ABCC8: variants seen among roughly 807,000 people sequenced by gnomAD.
ABCC8 encodes the protein ATP-binding cassette sub-family C member 8.
ABCC8 carries 137 observed loss-of-function variants against 188.0 expected under a neutral mutation model. That is an observed-to-expected ratio of 0.73 (90% confidence interval 0.63 to 0.84). ABCC8 has a LOEUF of 0.84. Ranked by LOEUF, ABCC8 falls within the 40% of genes least tolerant of loss-of-function variation. ABCC8 has a pLI of 0.00. For missense variants in ABCC8, 1,750 were observed against 2,072.7 expected (o/e 0.84, Z 3.02); for synonymous variants, 797 against 846.5 (o/e 0.94, Z 1.01).
intron 8 of ABCC8, among the ~76,000 whole-genome samples, chr11:17,444,112 A>G (rs2133600638): frequency 6.6e-6 from 1 of 152,282 alleles, no homozygotes; most frequent in Non-Finnish European, 1.5e-5. Flanking sequence ...GCACCGCCTC[A>G]AGGATAAAGG....
At position 17,454,603 on chromosome 11, in the gene ABCC8, A is replaced by ACTCT. The variant is rs1956926323; in HGVS notation, c.1012-1321_1012-1320insAGAG. The stretch of plus-strand genomic sequence containing the variant: ...CCTTAAAATTAGGCTGCAGGGAGAG[A>ACTCT]CCTGAATTTCCAGGGGAGGAAGGGG... On this transcript the variant is annotated intron_variant, in intron 6 of 38. Transcript: ENST00000389817. Among the ~76,000 whole-genome samples the ACTCT allele has an allele frequency of 2.0e-5, 3 of 152,200 alleles. No individual in the cohort carries two copies. The South Asian group carries it at 6.2e-4, about 32-fold the overall frequency.
chr11:17,475,443 C>T (rs1197984770), intron 1 of ABCC8, among the ~76,000 whole-genome samples: 1 of 151,994 alleles, frequency 6.6e-6, no homozygotes, highest in African/African-American at 2.4e-5. Context: ...AGGCTGGTCT[C>T]GAACTCCTGG....
chr11:17,443,451 G>T, intron 8 of ABCC8, 139 bp from the exon 9 acceptor site: 1 of 1,418,006 alleles, frequency 7.1e-7, no homozygotes, highest in Non-Finnish European at 9.7e-7. Context: ...CTTGGGGAGT[G>T]GAGTGCAGGG....
In ABCC8 at chr11:17,398,442, C is replaced by A; in HGVS notation, c.3651-1G>T. On this transcript the variant is annotated splice_acceptor_variant, in intron 29 of 38. Transcript: ENST00000389817. LOFTEE classifies it high-confidence loss of function. ...CTTCTGCTGGAACCGGGCCTCATAC[C>A]TGGAGGGAGGATGAGAAGCTCCTAA... is the stretch of plus-strand genomic sequence containing the variant. The A allele has an allele frequency of 5.0e-6, 8 of 1,614,044 alleles. No individual in the cohort carries two copies. The South Asian group carries it at 8.8e-5, about 18-fold the overall frequency.
At chr11:17,403,734 C>T (rs1454596215) in intron 28 of ABCC8, among the ~76,000 whole-genome samples, 5 of 152,110 alleles carry the variant, frequency 3.3e-5, no homozygotes, top group Admixed American at 6.5e-5. Flanking sequence ...ATGACCAACA[C>T]AAAGGTTTCA....
chr11:17,441,585 G>A (rs376851651), intron 10 of ABCC8, among the ~76,000 whole-genome samples: 1 of 152,078 alleles, frequency 6.6e-6, no homozygotes, highest in African/African-American at 2.4e-5. Context: ...CTAGTGTGAA[G>A]TCAGCTGGTT....
chr11:17,440,625 G>GA (rs532614710), intron 10 of ABCC8, among the ~76,000 whole-genome samples: 7 of 152,242 alleles, frequency 4.6e-5, no homozygotes, highest in Non-Finnish European at 1.0e-4. Flanking sequence ...TCCATTCTGA[G>GA]AAAATCAAAT....
chr11:17,457,802 G>T (rs1026583139), intron 6 of ABCC8, among the ~76,000 whole-genome samples: 1 of 152,200 alleles, frequency 6.6e-6, no homozygotes, highest in Non-Finnish European at 1.5e-5. Context: ...CCAACTCTGA[G>T]TATCTTAGGA....
intron 16 of ABCC8, among the ~76,000 whole-genome samples, chr11:17,419,524 A>C (rs183412709): frequency 1.3e-5 from 2 of 152,350 alleles, no homozygotes; most frequent in Admixed American, 1.3e-4. Flanking sequence ...GCATAAAGAA[A>C]AACTGGAAGC....
intron 36 of ABCC8, 56 bp from the exon 37 acceptor site, chr11:17,394,455 G>C (rs1479321461): frequency 3.7e-6 from 6 of 1,612,986 alleles, no homozygotes; most frequent in Non-Finnish European, 5.1e-6. Context: ...GCTGTGAGTG[G>C]AGCAGATGGG....
At chr11:17,466,839 T>C (rs983885896) in intron 3 of ABCC8, among the ~76,000 whole-genome samples, 1 of 152,094 alleles carries the variant, frequency 6.6e-6, no homozygotes, top group Non-Finnish European at 1.5e-5. Context: ...CTAATTTTTA[T>C]GTTTTTTGTA....
intron 10 of ABCC8, among the ~76,000 whole-genome samples, chr11:17,433,453 G>T (rs1352064231): frequency 1.3e-5 from 2 of 152,222 alleles, no homozygotes; most frequent in African/African-American, 4.8e-5. Context: ...GAAGTTGACT[G>T]CCCATTTACT....
Position 17,398,211 on chromosome 11 carries a change from G to A in ABCC8, c.3753+128C>T, listed in dbSNP as rs866014386. On this transcript the variant is annotated intron_variant, in intron 30 of 38. Transcript: ENST00000389817. ...ACTAGGAGGACCACCAGGGCTGGGG[G>A]AAGCAGGAAGGCTTGGTGTCCACAC... 24 of 1,255,862 alleles carry A rather than the reference G, an allele frequency of 1.9e-5. No homozygotes were observed. In the African/African-American group the frequency reaches 3.0e-4, roughly 16 times the overall value. The allele number at this position is 1,255,862 out of a possible 1,614,324, so 77.8% of individuals were successfully genotyped here.
At chr11:17,454,839 G>A (rs1197514434) in intron 6 of ABCC8, among the ~76,000 whole-genome samples, 1 of 152,142 alleles carries the variant, frequency 6.6e-6, no homozygotes, top group Non-Finnish European at 1.5e-5. Context: ...TCTAGGCCTC[G>A]TCCAGGCCTT....
intron 10 of ABCC8, among the ~76,000 whole-genome samples, chr11:17,439,343 G>A (rs1053135956): frequency 2.6e-5 from 4 of 152,220 alleles, no homozygotes; most frequent in Admixed American, 6.5e-5. Flanking sequence ...TGCCTGCCCA[G>A]AAGTCTGATG....
chr11:17,447,656 G>A (rs1956589624), intron 8 of ABCC8, among the ~76,000 whole-genome samples: 2 of 152,134 alleles, frequency 1.3e-5, no homozygotes, highest in Admixed American at 1.3e-4. Context: ...CTGGAGTGCA[G>A]TGGTGTGATT....
Position 17,432,240 on chromosome 11 carries a change from GA to G in ABCC8, c.1634del (p.Phe545SerfsTer2), listed in dbSNP as rs1260178539. ...AFAIYTSISI[F>X]MNTAIPIAAV... ...CTGCAATGGGGATGGCCGTGTTCAT[GA>G]AAACTGCAGAGGAAGCACAGGGAGG... On this transcript the variant is annotated frameshift_variant, in exon 11 of 39. Transcript: ENST00000389817. LOFTEE classifies it high-confidence loss of function. 6.4e-7 allele frequency: 1 copy of G among 1,552,322 alleles called. No individual in the cohort carries two copies. Among genetic ancestry groups the G allele is most frequent in the Admixed American group, 2.0e-5 (1 of 51,052 alleles).
intron 3 of ABCC8, among the ~76,000 whole-genome samples, chr11:17,465,846 C>T (rs998641619): frequency 6.6e-6 from 1 of 152,132 alleles, no homozygotes; most frequent in Admixed American, 6.5e-5. Context: ...ACTTCCTCCC[C>T]ATCTTGTTCT....
intron 37 of ABCC8, 29 bp downstream of exon 37, chr11:17,394,237 A>G (rs777686016): frequency 6.2e-7 from 1 of 1,610,180 alleles, no homozygotes; most frequent in Non-Finnish European, 8.5e-7. Context: ...TTCCAAGACC[A>G]TGGTCCCATG....
Sources: gnomAD v4.1 joint callset for allele counts (sites outside exome capture counted in the v4.1 genomes callset) on GRCh38, gnomAD v4.1.1 for gene constraint, MANE v1.5 for transcripts, NCBI Gene and HGNC (gene_info 2026-07-23, HGNC 2026-07-21) for gene names.